The following LRRC7 variants were observed in gnomAD, a reference collection of about 807,000 sequenced individuals.
LRRC7 encodes leucine rich repeat containing 7, also known as leucine-rich repeat-containing protein 7.
A neutral mutation model predicts 175.7 loss-of-function variants in LRRC7; 23 were observed. The observed-to-expected ratio is 0.13, with a 90% CI of 0.09 to 0.19. LRRC7 has a LOEUF of 0.19. Ranked by LOEUF, LRRC7 falls within the 10% of genes least tolerant of loss-of-function variation. LRRC7 has a pLI of 1.00. For synonymous variants in LRRC7, 685 were observed against 680.9 expected, an observed-to-expected ratio of 1.01 and a Z score of -0.09; for missense variants, 1,354 against 1,904.7, an observed-to-expected ratio of 0.71 and a Z score of 5.38.
chr1:69,970,025 A>G (rs895923563), intron 8 of LRRC7, among the ~76,000 whole-genome samples: 1 of 152,190 alleles, frequency 6.6e-6, no homozygotes, highest in African/African-American at 2.4e-5. Flanking sequence ...TTGCTCCTGA[A>G]TGATCATTGG....
intron 11 of LRRC7, among the ~76,000 whole-genome samples, chr1:70,008,913 T>C (rs1178793006): frequency 6.6e-6 from 1 of 152,122 alleles, no homozygotes; most frequent in Non-Finnish European, 1.5e-5. Context: ...GTTATTCACA[T>C]TGTAATATGT....
At chr1:69,612,759 G>A (rs539278227) in intron 1 of LRRC7, among the ~76,000 whole-genome samples, 2 of 152,100 alleles carry the variant, frequency 1.3e-5, no homozygotes, top group East Asian at 1.9e-4. Flanking sequence ...TGAAACATAT[G>A]TATATACCTA....
chr1:69,895,044 C>T (rs191220987), intron 7 of LRRC7, among the ~76,000 whole-genome samples: 3 of 152,250 alleles, frequency 2.0e-5, no homozygotes, highest in Non-Finnish European at 4.4e-5. Context: ...CTGACCAACA[C>T]CTCTGCTAAA....
intron 4 of LRRC7, among the ~76,000 whole-genome samples, chr1:69,794,176 A>G (rs931768069): frequency 4.6e-5 from 7 of 152,230 alleles, no homozygotes; most frequent in Non-Finnish European, 8.8e-5. Flanking sequence ...GGAGACAATC[A>G]GAACATAAAC....
chr1:70,048,431 A>T (rs1420261278), intron 22 of LRRC7, among the ~76,000 whole-genome samples: 1 of 152,112 alleles, frequency 6.6e-6, no homozygotes, highest in Non-Finnish European at 1.5e-5. Flanking sequence ...TCCTGCACTT[A>T]GCATAGTAGT....
At chr1:69,934,340 A>G (rs1647722571) in intron 8 of LRRC7, among the ~76,000 whole-genome samples, 2 of 152,246 alleles carry the variant, frequency 1.3e-5, no homozygotes, top group South Asian at 4.1e-4. Context: ...AGCAATGTAA[A>G]TGTCCCAAAT....
In LRRC7 at chr1:69,726,340, C is replaced by G. The variant is rs139527665; in HGVS notation, c.101-33851C>G. The stretch of plus-strand genomic sequence containing the variant: ...AAGAAGCTATCATAAAATTTTATCA[C>G]CATAATAAACCTCTATAGAGTTATA... On this transcript the variant is annotated intron_variant, in intron 2 of 26. Transcript: ENST00000651989. 3.5e-3 allele frequency among the ~76,000 whole-genome samples: 538 copies of G among 152,130 alleles called. 4 individuals are homozygous for G. The highest frequency in any genetic ancestry group is 0.012 in the African/African-American group (478 of 41,486).
rs148863942 is a variant in LRRC7, at chr1:69,827,927, T to C, written c.500+2101T>C. 5.9e-5 allele frequency among the ~76,000 whole-genome samples: 9 copies of C among 152,266 alleles called. No individual in the cohort carries two copies. In the East Asian group the frequency reaches 1.7e-3, roughly 29 times the overall value. ...CATGTGACCATCTCCATAGTCAAGA[T>C]ATAGACTATTGCATCATCTCAAAGA... On this transcript the variant is annotated intron_variant, in intron 5 of 26. Coordinates refer to ENST00000651989, the MANE Select transcript of LRRC7 (RefSeq NM_001370785.2).
intron 11 of LRRC7, among the ~76,000 whole-genome samples, chr1:70,008,101 C>A (rs191225352): frequency 7.6e-4 from 116 of 152,264 alleles, no homozygotes; most frequent in Middle Eastern, 3.4e-3. Context: ...AGCTGAGGAG[C>A]AAGGAAGCCA....
chr1:69,714,508 A>T (rs1371667422), intron 2 of LRRC7, among the ~76,000 whole-genome samples: 1 of 152,154 alleles, frequency 6.6e-6, no homozygotes, highest in African/African-American at 2.4e-5. Flanking sequence ...TATTACATAC[A>T]ATTGAAAGGA....
In LRRC7 at chr1:69,994,586, A is replaced by G; in HGVS notation, c.957A>G (p.Leu319=). 1.2e-6 allele frequency: 2 copies of G among 1,611,172 alleles called. No homozygotes were observed. Among genetic ancestry groups the G allele is most frequent in the Non-Finnish European group, 1.7e-6 (2 of 1,178,204 alleles). The change falls in exon 11 of 27, where the codon CTA becomes CTG. Residue 319 remains leucine (L), a synonymous_variant. Coordinates refer to ENST00000651989, the MANE Select transcript of LRRC7 (RefSeq NM_001370785.2). ...GACTTTTGAAAAAACTAACAACTCTAAAAGTAGATGACAATCAACTTACAA... is the reference window on the plus strand; with the variant it reads ...GACTTTTGAAAAAACTAACAACTCTGAAAGTAGATGACAATCAACTTACAA... ...SIGLLKKLTT[L]KVDDNQLTML...
At chr1:69,905,487 T>C (rs1233712335) in intron 7 of LRRC7, among the ~76,000 whole-genome samples, 1 of 152,128 alleles carries the variant, frequency 6.6e-6, no homozygotes, top group Non-Finnish European at 1.5e-5. Context: ...AATTCCCACC[T>C]ATGAGTGAGA....
chr1:70,048,090 T>C (rs1277660589), intron 22 of LRRC7, among the ~76,000 whole-genome samples: 1 of 152,110 alleles, frequency 6.6e-6, no homozygotes. Flanking sequence ...TTTGGATGTG[T>C]TTTATTTGTA....
chr1:70,085,753 T>A (rs1386828801), intron 24 of LRRC7, among the ~76,000 whole-genome samples: 1 of 152,192 alleles, frequency 6.6e-6, no homozygotes, highest in Non-Finnish European at 1.5e-5. Flanking sequence ...CTACTACCTT[T>A]CCTGCTGTTT....
intron 7 of LRRC7, among the ~76,000 whole-genome samples, chr1:69,853,014 A>C (rs1225307600): frequency 6.6e-6 from 1 of 152,140 alleles, no homozygotes; most frequent in African/African-American, 2.4e-5. Flanking sequence ...TCTGTAGCAT[A>C]CTAAATGCAT....
intron 8 of LRRC7, among the ~76,000 whole-genome samples, chr1:69,939,035 A>ATATATATATATATATATATC (rs1553178500): frequency 1.0e-5 from 1 of 97,630 alleles, no homozygotes; most frequent in African/African-American, 3.6e-5. Context: ...ATATATCTAT[A>ATATATATATATATATATATC]TATATCTATA....
chr1:69,626,453 A>C (rs1749483), intron 1 of LRRC7, among the ~76,000 whole-genome samples: 148,862 of 151,320 alleles, frequency 0.98, 73,268 homozygotes, highest in Middle Eastern at 1. Flanking sequence ...TCTGAATTAC[A>C]TTCATCACCA....
intron 4 of LRRC7, among the ~76,000 whole-genome samples, chr1:69,811,634 G>A (rs1677882316): frequency 6.6e-6 from 1 of 152,140 alleles, no homozygotes; most frequent in African/African-American, 2.4e-5. Flanking sequence ...CCTGGATGAA[G>A]CTGGAAACCA....
At chr1:69,596,559 A>G (rs183152229) in intron 1 of LRRC7, among the ~76,000 whole-genome samples, 2 of 152,370 alleles carry the variant, frequency 1.3e-5, no homozygotes, top group Non-Finnish European at 2.9e-5. Flanking sequence ...AACCTGTTTT[A>G]TAACTAAATT....
Sources: allele counts gnomAD v4.1 joint callset (sites outside exome capture counted in the v4.1 genomes callset), GRCh38; gene constraint gnomAD v4.1.1; transcripts MANE v1.5; gene names NCBI Gene and HGNC (gene_info 2026-07-23, HGNC 2026-07-21).